The following GPATCH2 variants were observed in gnomAD, a reference collection of about 807,000 sequenced individuals.
GPATCH2 encodes the protein G patch domain-containing protein 2.
Under a neutral mutation model 58.0 loss-of-function variants are expected in GPATCH2, and 51 were observed. The observed-to-expected ratio is 0.88, with a 90% CI of 0.70 to 1.11. GPATCH2 has a LOEUF of 1.11. GPATCH2 is among the 50% of genes most tolerant of loss of function. The pLI is 0.00. For synonymous variants in GPATCH2, 222 were observed against 218.5 expected (o/e 1.02, Z -0.14); for missense variants, 625 against 652.2 (o/e 0.96, Z 0.45).
chr1:217,467,494 T>A (rs377129349), intron 8 of GPATCH2, among the ~76,000 whole-genome samples: 109 of 152,240 alleles, frequency 7.2e-4, no homozygotes, highest in African/African-American at 2.6e-3. Flanking sequence ...TTAGTGATTA[T>A]TTTACTGGTA....
intron 1 of GPATCH2, among the ~76,000 whole-genome samples, chr1:217,628,607 A>T (rs1377046238): frequency 6.6e-6 from 1 of 151,950 alleles, no homozygotes; most frequent in East Asian, 1.9e-4. Flanking sequence ...AGGAATGAAA[A>T]TGCAGAAACA....
At chr1:217,568,124 A>C (rs187409321) in intron 5 of GPATCH2, among the ~76,000 whole-genome samples, 2,174 of 152,304 alleles carry the variant, frequency 0.014, 50 homozygotes, top group East Asian at 0.1. Context: ...CTCAAAAAAC[A>C]AAACAAAACA....
At chr1:217,458,548 T>C (rs900991371) in intron 8 of GPATCH2, among the ~76,000 whole-genome samples, 1 of 152,204 alleles carries the variant, frequency 6.6e-6, no homozygotes, top group African/African-American at 2.4e-5. Context: ...CCTGCTGTTA[T>C]ATCTTAGCTT....
intron 8 of GPATCH2, among the ~76,000 whole-genome samples, chr1:217,458,227 C>T (rs1385208705): frequency 1.3e-5 from 2 of 151,968 alleles, no homozygotes; most frequent in Non-Finnish European, 2.9e-5. Flanking sequence ...GAAACTCCGT[C>T]TCAAAAAAAA....
At chr1:217,572,293 G>C (rs919812877) in intron 5 of GPATCH2, among the ~76,000 whole-genome samples, 3 of 152,076 alleles carry the variant, frequency 2.0e-5, no homozygotes, top group Middle Eastern at 3.2e-3. Context: ...AGTAGAACTG[G>C]ACCAATTACA....
At chr1:217,463,465 C>T (rs1040064244) in intron 8 of GPATCH2, among the ~76,000 whole-genome samples, 2 of 151,802 alleles carry the variant, frequency 1.3e-5, no homozygotes, top group Non-Finnish European at 2.9e-5. Context: ...GAAGGCCTTG[C>T]TAGCCATGTT....
At chr1:217,609,804 A>C in intron 5 of GPATCH2, 4 of 981,996 alleles carry the variant, frequency 4.1e-6, no homozygotes, top group Non-Finnish European at 4.9e-6. Flanking sequence ...ATTAAGGAAT[A>C]CTTGTCGATC....
intron 5 of GPATCH2, among the ~76,000 whole-genome samples, chr1:217,596,714 C>T (rs543349341): frequency 3.9e-5 from 6 of 152,066 alleles, no homozygotes; most frequent in East Asian, 3.9e-4. Context: ...AGAATCTCTC[C>T]GCCATTTTTT....
chr1:217,542,483 G>C (rs998428570), intron 5 of GPATCH2, among the ~76,000 whole-genome samples: 1 of 152,074 alleles, frequency 6.6e-6, no homozygotes, highest in African/African-American at 2.4e-5. Flanking sequence ...TTTGGGGTGG[G>C]GGAAGGATTC....
At chr1:217,453,306 A>G (rs1177961700) in intron 8 of GPATCH2, among the ~76,000 whole-genome samples, 4 of 152,200 alleles carry the variant, frequency 2.6e-5, no homozygotes, top group Non-Finnish European at 5.9e-5. Flanking sequence ...TGTATCAGAA[A>G]AACACCAATC....
At chr1:217,497,551 A>C (rs1276895207) in intron 7 of GPATCH2, among the ~76,000 whole-genome samples, 1 of 152,188 alleles carries the variant, frequency 6.6e-6, no homozygotes, top group African/African-American at 2.4e-5. Context: ...CCTGCTGCTC[A>C]GCCCAAGAAA....
chr1:217,609,814 CT>C, intron 5 of GPATCH2: 3 of 989,998 alleles, frequency 3.0e-6, no homozygotes, highest in Non-Finnish European at 3.6e-6. Flanking sequence ...ACTTGTCGAT[CT>C]GGAAGTTTAA....
intron 2 of GPATCH2, 97 bp downstream of exon 2, chr1:217,619,686 T>G: frequency 2.2e-6 from 1 of 465,072 alleles, no homozygotes; most frequent in Non-Finnish European, 3.7e-6. Flanking sequence ...TTATTACAAT[T>G]TATAATTATT....
chr1:217,609,914 T>C (rs991263393), intron 5 of GPATCH2: 2 of 1,130,464 alleles, frequency 1.8e-6, no homozygotes, highest in Non-Finnish European at 2.2e-6. Context: ...GAAAAATATA[T>C]AATTTACAGT....
chr1:217,529,501 CAT>C (rs1297573150), intron 5 of GPATCH2, among the ~76,000 whole-genome samples: 3 of 152,192 alleles, frequency 2.0e-5, no homozygotes, highest in African/African-American at 4.8e-5. Context: ...TCTCTTCACA[CAT>C]GTCTGTTTCC....
chr1:217,596,567 G>A (rs1396358182), intron 5 of GPATCH2, among the ~76,000 whole-genome samples: 5 of 152,074 alleles, frequency 3.3e-5, no homozygotes, highest in Admixed American at 3.3e-4. Flanking sequence ...CTCAATAAAT[G>A]TTAGCTATTA....
At chr1:217,496,822 T>C (rs928663404) in intron 7 of GPATCH2, among the ~76,000 whole-genome samples, 10 of 152,130 alleles carry the variant, frequency 6.6e-5, no homozygotes, top group African/African-American at 2.2e-4. Flanking sequence ...GTGTTTGAGT[T>C]GACTACATAG....
intron 8 of GPATCH2, among the ~76,000 whole-genome samples, chr1:217,489,909 T>A (rs1661637991): frequency 6.6e-6 from 1 of 152,206 alleles, no homozygotes; most frequent in African/African-American, 2.4e-5. Flanking sequence ...AAGAAATTTT[T>A]TTTAAAAAGT....
At chr1:217,554,610 T>C (rs1364043274) in intron 5 of GPATCH2, among the ~76,000 whole-genome samples, 1 of 152,238 alleles carries the variant, frequency 6.6e-6, no homozygotes, top group African/African-American at 2.4e-5. Context: ...TAAGGCACAT[T>C]CTTTTATTTA....
Sources: allele counts gnomAD v4.1 joint callset (sites outside exome capture counted in the v4.1 genomes callset), GRCh38; gene constraint gnomAD v4.1.1; transcripts MANE v1.5; gene names NCBI Gene and HGNC (gene_info 2026-07-23, HGNC 2026-07-21).